The following CLIP4 variants were observed in gnomAD, a reference collection of about 807,000 sequenced individuals.
CLIP4 encodes CAP-Gly domain-containing linker protein 4.
A neutral mutation model predicts 73.1 loss-of-function variants in CLIP4; 47 were observed. The observed-to-expected ratio is 0.64, with a 90% CI of 0.51 to 0.82. The LOEUF is 0.82. Among genes scored for constraint, CLIP4 ranks in the 40% least tolerant of loss-of-function variants. The pLI is 0.00. For synonymous variants in CLIP4, 306 were observed against 295.4 expected (o/e 1.04, Z -0.37); for missense variants, 874 against 852.9 (o/e 1.02, Z -0.31).
At chr2:29,131,974 A>G (rs974897962) in intron 3 of CLIP4, 178 bp from the exon 4 acceptor site, 5 of 480,318 alleles carry the variant, frequency 1.0e-5, no homozygotes, top group African/African-American at 1.0e-4. Context: ...TTCAGTTTTC[A>G]TTATTGTTGT....
At chr2:29,101,522 T>C (rs1668049187) in intron 1 of CLIP4, among the ~76,000 whole-genome samples, 3 of 152,100 alleles carry the variant, frequency 2.0e-5, no homozygotes, top group Non-Finnish European at 4.4e-5. Flanking sequence ...TTCTTCTGCC[T>C]GCTTTTATCC....
intron 8 of CLIP4, among the ~76,000 whole-genome samples, chr2:29,145,716 C>G (rs983800918): frequency 7.2e-5 from 11 of 152,342 alleles, no homozygotes; most frequent in African/African-American, 2.6e-4. Context: ...GAGTCTTGCT[C>G]TGTCGCCCAG....
In CLIP4 at chr2:29,183,796, T is replaced by A. The variant is rs1345357159; in HGVS notation, c.*1903T>A. The A allele has an allele frequency of 6.6e-6, 1 of 152,220 alleles. No individual in the cohort carries two copies. The highest frequency in any genetic ancestry group is 1.5e-5 in the Non-Finnish European group (1 of 68,042). 9.4% of individuals were successfully genotyped at this position (152,220 alleles called of 1,614,324 possible). ...TGAGCATCAATAAAAAGGGAAGCTG[T>A]GTGGTTTTGGAATGGTATCTTGTCA... On this transcript the variant is annotated 3_prime_UTR_variant, in exon 16 of 16. Transcript: ENST00000320081.
At chr2:29,152,974 C>T in intron 9 of CLIP4, 146 bp downstream of exon 9, 1 of 891,080 alleles carries the variant, frequency 1.1e-6, no homozygotes, top group Non-Finnish European at 1.7e-6. Context: ...TGTTTTTAAA[C>T]CTCAATTTTA....
chr2:29,130,738 T>C (rs772921700), intron 2 of CLIP4: 49 of 1,251,650 alleles, frequency 3.9e-5, no homozygotes, highest in Non-Finnish European at 4.9e-5. Context: ...TTGGTGCCTC[T>C]CATCTTTTAG....
intron 1 of CLIP4, among the ~76,000 whole-genome samples, chr2:29,099,904 T>C (rs1179635182): frequency 1.3e-5 from 2 of 152,230 alleles, no homozygotes; most frequent in African/African-American, 2.4e-5. Flanking sequence ...TGTACATATT[T>C]TGTTAGATTT....
chr2:29,132,383 G>A (rs976616867), intron 4 of CLIP4, 138 bp downstream of exon 4: 169 of 685,022 alleles, frequency 2.5e-4, no homozygotes, highest in Non-Finnish European at 1.7e-4. Flanking sequence ...TGAGGATTCA[G>A]TTAGGTCCTT....
chr2:29,151,319 A>G (rs1023985236), intron 8 of CLIP4, among the ~76,000 whole-genome samples: 1 of 152,220 alleles, frequency 6.6e-6, no homozygotes, highest in Non-Finnish European at 1.5e-5. Context: ...GATCATACAA[A>G]TATACATTCC....
At chr2:29,178,124 A>T (rs571892573) in intron 15 of CLIP4, among the ~76,000 whole-genome samples, 28 of 152,196 alleles carry the variant, frequency 1.8e-4, no homozygotes, top group Non-Finnish European at 3.7e-4. Flanking sequence ...AGATGAGATT[A>T]TCACTGTTAG....
At position 29,157,350 on chromosome 2, in the gene CLIP4, A is replaced by G; in HGVS notation, c.1399+3A>G. On this transcript the variant is annotated splice_donor_region_variant and intron_variant, in intron 11 of 15. Coordinates refer to ENST00000320081, the MANE Select transcript of CLIP4 (RefSeq NM_024692.6). ...CCTTTCATCCAGAGCCAGTGCTGGT[A>G]TCTATGGCTTTTTCAACCAGGCTTT... 1 of 1,614,020 alleles carries G rather than the reference A, an allele frequency of 6.2e-7. No homozygotes were observed. Among genetic ancestry groups the G allele is most frequent in the Non-Finnish European group, 8.5e-7 (1 of 1,179,882 alleles).
intron 1 of CLIP4, among the ~76,000 whole-genome samples, chr2:29,103,135 T>C (rs1668099992): frequency 6.6e-6 from 1 of 152,216 alleles, no homozygotes; most frequent in South Asian, 2.1e-4. Context: ...ACAATTTAAG[T>C]TCTACCTTCT....
chr2:29,131,976 T>C (rs1665002209), intron 3 of CLIP4, 176 bp from the exon 4 acceptor site: 1 of 479,808 alleles, frequency 2.1e-6, no homozygotes, highest in Admixed American at 3.9e-5. Flanking sequence ...CAGTTTTCAT[T>C]ATTGTTGTTG....
intron 1 of CLIP4, among the ~76,000 whole-genome samples, chr2:29,107,383 T>TGTTTTTTTTG: frequency 7.5e-6 from 1 of 132,748 alleles, no homozygotes; most frequent in African/African-American, 2.9e-5. Flanking sequence ...TTTTTTTTTT[T>TGTTTTTTTTG]TTTTTTGAGA....
intron 6 of CLIP4, among the ~76,000 whole-genome samples, chr2:29,138,398 A>C (rs981215032): frequency 6.6e-6 from 1 of 150,942 alleles, no homozygotes; most frequent in African/African-American, 2.4e-5. Flanking sequence ...TGTTTTGATT[A>C]CTGGAGTCTT....
In CLIP4 at chr2:29,121,371, T is replaced by A; in HGVS notation, c.-15-3T>A. The A allele has an allele frequency of 1.9e-6, 3 of 1,594,494 alleles. No individual in the cohort carries two copies. The highest frequency in any genetic ancestry group is 2.6e-6 in the Non-Finnish European group (3 of 1,174,374). On this transcript the variant is annotated splice_polypyrimidine_tract_variant and splice_region_variant and intron_variant, in intron 1 of 15. Coordinates refer to ENST00000320081, the MANE Select transcript of CLIP4 (RefSeq NM_024692.6). ...AACACTTTTTTTTTCTTTCTTATTA[T>A]AGGTGGCTTTCTAGAAGATGACCAT...
intron 14 of CLIP4, among the ~76,000 whole-genome samples, chr2:29,169,711 ATATC>A (rs1667880692): frequency 6.6e-6 from 1 of 152,206 alleles, no homozygotes; most frequent in Non-Finnish European, 1.5e-5. Flanking sequence ...GGTAATTGGG[ATATC>A]TATCACCTCA....
At chr2:29,145,484 T>C in intron 8 of CLIP4, 117 bp downstream of exon 8, 1 of 820,822 alleles carries the variant, frequency 1.2e-6, no homozygotes, top group South Asian at 2.3e-5. Flanking sequence ...ATGAGGGGCA[T>C]GTGGATGTAG....
chr2:29,175,876 C>G (rs1668302604), intron 15 of CLIP4, among the ~76,000 whole-genome samples: 1 of 152,042 alleles, frequency 6.6e-6, no homozygotes, highest in Admixed American at 6.6e-5. Flanking sequence ...ATTCTTCTGT[C>G]TCAGCCTCCC....
chr2:29,160,101 T>C (rs1667191225), intron 11 of CLIP4, among the ~76,000 whole-genome samples: 1 of 152,168 alleles, frequency 6.6e-6, no homozygotes, highest in South Asian at 2.1e-4. Context: ...TGGCAGTAAT[T>C]TTCCCAGGAA....
Sources: allele counts gnomAD v4.1 joint callset (sites outside exome capture counted in the v4.1 genomes callset), GRCh38; gene constraint gnomAD v4.1.1; transcripts MANE v1.5; gene names NCBI Gene and HGNC (gene_info 2026-07-23, HGNC 2026-07-21).